The following SENP7 variants were observed in gnomAD, a reference collection of about 807,000 sequenced individuals.
The protein encoded by SENP7 is SUMO specific peptidase 7.
SENP7 carries 64 observed loss-of-function variants against 141.2 expected under a neutral mutation model. The ratio of observed to expected loss-of-function variants is 0.45; its 90% CI spans 0.37 to 0.56. The LOEUF (loss-of-function observed/expected upper bound fraction) is 0.56, where lower values mean the gene tolerates loss of function less well. SENP7 is among the 20% of genes least tolerant of loss of function. The pLI is 0.00. For synonymous variants in SENP7, 382 were observed against 426.4 expected (o/e 0.90, Z 1.28); for missense variants, 1,025 against 1,212.2 (o/e 0.85, Z 2.29).
intron 4 of SENP7, among the ~76,000 whole-genome samples, chr3:101,420,362 C>T (rs1025459807): frequency 1.6e-5 from 2 of 126,814 alleles, no homozygotes; most frequent in African/African-American, 5.6e-5. Flanking sequence ...AGCGAGACTC[C>T]GTCTCAAAAA....
At chr3:101,384,884 T>C (rs1244430762) in intron 6 of SENP7, among the ~76,000 whole-genome samples, 13 of 152,222 alleles carry the variant, frequency 8.5e-5, no homozygotes, top group African/African-American at 3.1e-4. Flanking sequence ...CTATGCTTCC[T>C]GTACAGTCTG....
intron 16 of SENP7, among the ~76,000 whole-genome samples, chr3:101,339,017 C>T (rs1323278221): frequency 2.0e-5 from 3 of 152,136 alleles, no homozygotes; most frequent in Admixed American, 2.0e-4. Context: ...AGAGAAAAAT[C>T]AGTCAATTGA....
chr3:101,485,079 C>T (rs1457163279), intron 3 of SENP7, among the ~76,000 whole-genome samples: 1 of 152,010 alleles, frequency 6.6e-6, no homozygotes, highest in Non-Finnish European at 1.5e-5. Context: ...ATCTCACCCA[C>T]ACCCCCCACA....
intron 11 of SENP7, chr3:101,357,834 G>A (rs1214701533): frequency 3.5e-6 from 2 of 576,330 alleles, no homozygotes; most frequent in African/African-American, 1.9e-5. Context: ...TCATACTGGA[G>A]AGAAACGCTA....
chr3:101,391,432 A>G (rs1400781263), intron 6 of SENP7, among the ~76,000 whole-genome samples: 1 of 152,102 alleles, frequency 6.6e-6, no homozygotes, highest in Non-Finnish European at 1.5e-5. Flanking sequence ...ACAGAAATAC[A>G]AAGAATAATT....
intron 7 of SENP7, 100 bp downstream of exon 7, chr3:101,371,908 T>C (rs1272479173): frequency 7.0e-6 from 3 of 429,882 alleles, no homozygotes; most frequent in East Asian, 8.1e-5. Flanking sequence ...CTTTCACATA[T>C]CCTTTCAAAG....
chr3:101,479,582 T>A (rs2064361519), intron 3 of SENP7, among the ~76,000 whole-genome samples: 1 of 150,936 alleles, frequency 6.6e-6, no homozygotes, highest in Non-Finnish European at 1.5e-5. Flanking sequence ...ATACTCCAGC[T>A]TGGGTGACAG....
intron 11 of SENP7, chr3:101,358,877 C>T (rs1334749899): frequency 6.5e-6 from 1 of 153,368 alleles, no homozygotes; most frequent in African/African-American, 2.4e-5. Flanking sequence ...TCAGATGATC[C>T]ACTTGCCTCA....
At chr3:101,466,804 G>T (rs7622461) in intron 3 of SENP7, among the ~76,000 whole-genome samples, 19,487 of 152,058 alleles carry the variant, frequency 0.13, 1,307 homozygotes, top group South Asian at 0.18. Flanking sequence ...TTCCAACTTC[G>T]GTACCTGGTT....
chr3:101,471,551 A>G (rs1439808979), intron 3 of SENP7, among the ~76,000 whole-genome samples: 1 of 152,152 alleles, frequency 6.6e-6, no homozygotes, highest in Admixed American at 6.5e-5. Context: ...TAAAAACCCT[A>G]GAAGAAAACC....
chr3:101,400,734 C>G (rs2317748), intron 5 of SENP7, among the ~76,000 whole-genome samples: 1 of 150,800 alleles, frequency 6.6e-6, no homozygotes, highest in Non-Finnish European at 1.5e-5. Context: ...TATGCCAATT[C>G]CAGCACTACC....
intron 16 of SENP7, among the ~76,000 whole-genome samples, chr3:101,338,139 C>T (rs1195422100): frequency 4.9e-5 from 7 of 143,734 alleles, no homozygotes; most frequent in Non-Finnish European, 7.5e-5. Flanking sequence ...GGTGACACAG[C>T]GAGACTCTGT....
chr3:101,494,423 C>T (rs2065084477), intron 2 of SENP7, among the ~76,000 whole-genome samples: 1 of 149,256 alleles, frequency 6.7e-6, no homozygotes, highest in African/African-American at 2.6e-5. Context: ...TGAAATCAAC[C>T]TTCTTCAAAC....
chr3:101,361,735 C>T lies in SENP7; in HGVS notation c.1603G>A (p.Ala535Thr), dbSNP rs752889865. The T allele has an allele frequency of 6.3e-7, 1 of 1,576,966 alleles. No individual in the cohort carries two copies. The highest frequency in any genetic ancestry group is 8.6e-7 in the Non-Finnish European group (1 of 1,166,874). ...TSVYIGKIKG[A>T]SKGCVTITKK... Reference sequence around the variant, plus strand: ...CTTACTGTAACACAACCTTTAGAAGCTCCTTTTATTTTACCAATATAAACA... The same window carrying T: ...CTTACTGTAACACAACCTTTAGAAGTTCCTTTTATTTTACCAATATAAACA... Residue 535 changes from alanine to threonine, a missense_variant, in exon 11 of 24, where the codon GCT (alanine) becomes ACT (threonine). Ala to Thr is a moderately conservative substitution (Grantham distance 58). Around this residue, in one of 4 missense-constraint regions of SENP7, gnomAD observed 228 missense variants for 228.5 expected, o/e 1.00. Coordinates refer to ENST00000394095, the MANE Select transcript of SENP7 (RefSeq NM_020654.5).
intron 6 of SENP7, among the ~76,000 whole-genome samples, chr3:101,390,008 T>G (rs1224495265): frequency 2.6e-5 from 4 of 151,700 alleles, no homozygotes; most frequent in African/African-American, 9.7e-5. Context: ...TCACCTGAGG[T>G]CAGGAGTTAG....
intron 3 of SENP7, among the ~76,000 whole-genome samples, chr3:101,486,501 A>G (rs910923242): frequency 6.6e-6 from 1 of 152,228 alleles, no homozygotes; most frequent in Admixed American, 6.5e-5. Context: ...GTATCCAACG[A>G]AAGTAAGTAT....
rs1559908566 is a variant in SENP7 at position 101,493,951 on chromosome 3, A to G, written c.108T>C (p.Asn36=). The G allele has an allele frequency of 2.5e-6, 4 of 1,607,456 alleles. No individual in the cohort carries two copies. The highest frequency in any genetic ancestry group is 3.4e-6 in the Non-Finnish European group (4 of 1,174,628). ...GAACATGGACATCCTCTGGTTTTGC[A>G]TTTAACATCTTTCTTATCTGAAAAT... is the stretch of plus-strand genomic sequence containing the variant. ...SDLSEIRKML[N]AKPEDVHVQS... is the part of the protein sequence containing the mutation. The change falls in exon 3 of 24, where the codon AAT becomes AAC. Residue 36 remains asparagine, a synonymous_variant. Coordinates refer to ENST00000394095, the MANE Select transcript of SENP7 (RefSeq NM_020654.5).
At chr3:101,442,639 A>C (rs2062723759) in intron 4 of SENP7, among the ~76,000 whole-genome samples, 1 of 152,144 alleles carries the variant, frequency 6.6e-6, no homozygotes, top group African/African-American at 2.4e-5. Context: ...GAAAAACAAT[A>C]CAAAAAAAAA....
intron 6 of SENP7, among the ~76,000 whole-genome samples, chr3:101,393,219 A>G (rs1006009312): frequency 2.0e-5 from 3 of 152,258 alleles, no homozygotes; most frequent in Non-Finnish European, 4.4e-5. Context: ...ATTTAACCAT[A>G]AGACCTGAAA....
Sources: gnomAD v4.1 joint callset for allele counts (sites outside exome capture counted in the v4.1 genomes callset) on GRCh38, gnomAD v4.1.1 for gene constraint, gnomAD v4.1.1 regional missense constraint, MANE v1.5 for transcripts, NCBI Gene and HGNC (gene_info 2026-07-23, HGNC 2026-07-21) for gene names.